The following ABCB4 variants were observed in gnomAD, a reference collection of about 807,000 sequenced individuals.
ABCB4 encodes ATP binding cassette subfamily B member 4, also known as phosphatidylcholine translocator ABCB4.
ABCB4 carries 76 observed loss-of-function variants against 145.7 expected under a neutral mutation model. That is an observed-to-expected ratio of 0.52 (90% CI 0.43 to 0.63). ABCB4 has a LOEUF of 0.63. Among genes scored for constraint, ABCB4 ranks in the 30% least tolerant of loss-of-function variants. The pLI, the probability that ABCB4 is intolerant of heterozygous loss-of-function variation, is 0.00. For synonymous variants in ABCB4, 517 were observed against 566.8 expected (o/e 0.91, Z 1.25); for missense variants, 1,234 against 1,553.1 (o/e 0.79, Z 3.45).
At chr7:87,442,346 T>C (rs1811046185) in intron 12 of ABCB4, among the ~76,000 whole-genome samples, 1 of 152,168 alleles carries the variant, frequency 6.6e-6, no homozygotes, top group Admixed American at 6.5e-5. Flanking sequence ...AGATCTCTGT[T>C]CTGTCCCAAT....
In ABCB4 at chr7:87,444,955, A is replaced by G; in HGVS notation, c.1026T>C (p.Ile342=). The change falls in exon 10 of 28, where the codon ATT becomes ATC. Residue 342 remains isoleucine (I), a synonymous_variant. Coordinates refer to ENST00000649586, the MANE Select transcript of ABCB4 (RefSeq NM_000443.4). ...NAMTVFFSIL[I]GAFSVGQAAP... is the part of the protein sequence containing the mutation. ...CAGCCTGGCCAACACTGAAAGCTCC[A>G]ATTAGGATTGAAAAAAAAACCTGAG... is the stretch of plus-strand genomic sequence containing the variant. The G allele has an allele frequency of 1.2e-6, 2 of 1,604,056 alleles. No homozygotes were observed. Among genetic ancestry groups the G allele is most frequent in the Non-Finnish European group, 1.7e-6 (2 of 1,179,344 alleles).
the ABCB4 span, among the ~76,000 whole-genome samples, chr7:87,376,718 C>T: frequency 6.6e-6 from 1 of 150,968 alleles, no homozygotes; most frequent in Admixed American, 6.6e-5. Context: ...TTTTTGACCA[C>T]AATTTTTAGT....
intron 16 of ABCB4, among the ~76,000 whole-genome samples, chr7:87,426,290 T>C (rs1306472110): frequency 1.3e-5 from 2 of 152,202 alleles, no homozygotes; most frequent in Non-Finnish European, 2.9e-5. Context: ...GTGGAGCTAC[T>C]GTTCTAGCCC....
intron 22 of ABCB4, among the ~76,000 whole-genome samples, chr7:87,412,950 T>C (rs1269093764): frequency 1.3e-5 from 2 of 152,232 alleles, no homozygotes; most frequent in African/African-American, 2.4e-5. Context: ...ACTGAGGAGA[T>C]GGCATAAATT....
At chr7:87,388,044 G>C in the ABCB4 span, among the ~76,000 whole-genome samples, 24 of 152,132 alleles carry the variant, frequency 1.6e-4, no homozygotes, top group African/African-American at 4.8e-4. Context: ...GGAGCAGGTG[G>C]GTGTGATACC....
At chr7:87,409,789 T>C (rs1293149223) in intron 23 of ABCB4, among the ~76,000 whole-genome samples, 1 of 152,220 alleles carries the variant, frequency 6.6e-6, no homozygotes, top group African/African-American at 2.4e-5. Flanking sequence ...GTAAGGGCCT[T>C]GATCAGTTCC....
At chr7:87,412,206 T>C (rs562473167) in intron 22 of ABCB4, among the ~76,000 whole-genome samples, 173 bp from the exon 23 acceptor site, 4 of 152,344 alleles carry the variant, frequency 2.6e-5, no homozygotes, top group Non-Finnish European at 4.4e-5. Flanking sequence ...AAATAATCAC[T>C]GTAATGCAGA....
At chr7:87,472,599 C>T in intron 3 of ABCB4, 22 bp downstream of exon 3, 5 of 1,575,820 alleles carry the variant, frequency 3.2e-6, no homozygotes, top group South Asian at 2.2e-5. Context: ...GGATTATTCA[C>T]ATTTAACATT....
chr7:87,420,787 G>T (rs966916240), intron 18 of ABCB4, among the ~76,000 whole-genome samples: 1 of 152,226 alleles, frequency 6.6e-6, no homozygotes, highest in African/African-American at 2.4e-5. Flanking sequence ...AAGGTGTCCA[G>T]TTCTGGCTTC....
intron 3 of ABCB4, among the ~76,000 whole-genome samples, chr7:87,463,916 A>G (rs1812673421): frequency 6.6e-6 from 1 of 151,946 alleles, no homozygotes; most frequent in African/African-American, 2.4e-5. Context: ...TTTTTGATTG[A>G]CCCATTTATG....
chr7:87,440,167 T>A (rs779580554), intron 13 of ABCB4, 32 bp downstream of exon 13: 2 of 1,602,474 alleles, frequency 1.2e-6, no homozygotes, highest in Non-Finnish European at 8.6e-7. Context: ...AAATTCTAAT[T>A]TCAAGGACAA....
At chr7:87,424,181 T>G in intron 16 of ABCB4, 129 bp from the exon 17 acceptor site, 1 of 1,026,762 alleles carries the variant, frequency 9.7e-7, no homozygotes, top group Non-Finnish European at 1.5e-6. Context: ...ACAAGCAAAC[T>G]ACTAGAGAGT....
intron 14 of ABCB4, among the ~76,000 whole-genome samples, chr7:87,438,591 A>G (rs1230504525): frequency 6.6e-6 from 1 of 152,114 alleles, no homozygotes; most frequent in African/African-American, 2.4e-5. Context: ...TCTACCAAAA[A>G]TACAAAAATT....
At chr7:87,438,386 T>C (rs145962783) in intron 14 of ABCB4, among the ~76,000 whole-genome samples, 1 of 152,332 alleles carries the variant, frequency 6.6e-6, no homozygotes, top group East Asian at 1.9e-4. Context: ...AGCAGTATAA[T>C]TCAGTGCAAG....
chr7:87,393,608 G>A, the ABCB4 span, among the ~76,000 whole-genome samples: 205 of 152,224 alleles, frequency 1.3e-3, no homozygotes, highest in African/African-American at 4.9e-3. Flanking sequence ...TAAAATGAAA[G>A]TGATAGCAAG....
the ABCB4 span, chr7:87,377,204 G>A: frequency 1.9e-6 from 1 of 523,812 alleles, no homozygotes. Context: ...TCACATATCA[G>A]TGTTGCTGAT....
Position 87,402,098 on chromosome 7 carries a change from A to G in ABCB4, c.3838T>C (p.Ter1280ArgextTer19), listed in dbSNP as rs754770911. 6.2e-6 allele frequency: 10 copies of G among 1,614,032 alleles called. No individual in the cohort carries two copies. The highest frequency in any genetic ancestry group is 7.6e-6 in the Non-Finnish European group (9 of 1,180,030). ...VSVQAGTQNL[*>R] Reference sequence around the variant, plus strand: ...TTAAAATATACTGTAGCAAAAGTTCATAAGTTCTGTGTCCCAGCCTGGACA... The same window carrying G: ...TTAAAATATACTGTAGCAAAAGTTCGTAAGTTCTGTGTCCCAGCCTGGACA... Residue 1280 changes from the stop codon to arginine (R), a stop_lost, in exon 28 of 28, where the codon TGA becomes CGA. Coordinates refer to ENST00000649586, the MANE Select transcript of ABCB4 (RefSeq NM_000443.4).
chr7:87,433,518 A>G (rs1777582153), intron 14 of ABCB4, among the ~76,000 whole-genome samples: 1 of 152,192 alleles, frequency 6.6e-6, no homozygotes, highest in Non-Finnish European at 1.5e-5. Flanking sequence ...TGATATGTCA[A>G]CATATATACA....
At position 87,431,883 on chromosome 7, in the gene ABCB4, C is replaced by A. The variant is rs185162181; in HGVS notation, c.1732-318G>T. Among the ~76,000 whole-genome samples, 488 of 152,258 alleles carry A rather than the reference C, an allele frequency of 3.2e-3. 1 individual carries two copies. Among genetic ancestry groups the A allele is most frequent in the Non-Finnish European group, 4.1e-3 (279 of 68,020 alleles). Reference sequence around the variant, plus strand: ...AGTGTTTTCACACTTGTCTGAGAAGCCCTAGCTCTAAGTTATATGGAATGC... The same window carrying A: ...AGTGTTTTCACACTTGTCTGAGAAGACCTAGCTCTAAGTTATATGGAATGC... On this transcript the variant is annotated intron_variant, in intron 14 of 27. Transcript: ENST00000649586.
Sources: allele counts gnomAD v4.1 joint callset (sites outside exome capture counted in the v4.1 genomes callset), GRCh38; gene constraint gnomAD v4.1.1; transcripts MANE v1.5; gene names NCBI Gene and HGNC (gene_info 2026-07-23, HGNC 2026-07-21).